Variants in FSIP2 observed in about 807,000 individuals in gnomAD.
FSIP2 encodes fibrous sheath-interacting protein 2.
Under a neutral mutation model 510.5 loss-of-function variants are expected in FSIP2, and 367 were observed. That is an observed-to-expected ratio of 0.72 (90% CI 0.66 to 0.78). The LOEUF is 0.78. Ranked by LOEUF, FSIP2 falls within the 30% of genes least tolerant of loss-of-function variation. The pLI, the probability that FSIP2 is intolerant of heterozygous loss-of-function variation, is 0.00. For synonymous variants in FSIP2, 2,601 were observed against 2,732.2 expected (o/e 0.95, Z 1.50); for missense variants, 7,594 against 7,901.7 (o/e 0.96, Z 1.48).
In FSIP2 at chr2:185,761,761, T is replaced by C. The variant is rs559839990; in HGVS notation, c.1195-211T>C. On this transcript the variant is annotated intron_variant, in intron 10 of 22. Coordinates refer to ENST00000424728, the MANE Select transcript of FSIP2 (RefSeq NM_173651.4). ...AAGTAAGTTTATACATTGCTACATATTGAACTCAGTTTTGGACTAGTTAAA... is the reference window on the plus strand; with the variant it reads ...AAGTAAGTTTATACATTGCTACATACTGAACTCAGTTTTGGACTAGTTAAA... Among the ~76,000 whole-genome samples the C allele has an allele frequency of 2.8e-4, 42 of 151,272 alleles. No homozygotes were observed. The South Asian group carries it at 7.9e-3, about 28-fold the overall frequency.
intron 19 of FSIP2, among the ~76,000 whole-genome samples, 161 bp from the exon 20 acceptor site, chr2:185,824,273 A>G (rs1014769387): frequency 6.6e-6 from 1 of 151,916 alleles, no homozygotes; most frequent in Non-Finnish European, 1.5e-5. Flanking sequence ...AGTAGGGGAA[A>G]AAGTCAATCA....
intron 9 of FSIP2, among the ~76,000 whole-genome samples, chr2:185,758,327 C>T (rs374524270): frequency 1.5e-4 from 22 of 151,050 alleles, no homozygotes; most frequent in South Asian, 1.0e-3. Flanking sequence ...AGTTGAAGTA[C>T]GGACCCCTTG....
chr2:185,793,818 A>T lies in FSIP2; in HGVS notation c.6682A>T (p.Asn2228Tyr), dbSNP rs773102856. 3.3e-6 allele frequency: 5 copies of T among 1,532,596 alleles called. No individual in the cohort carries two copies. Among genetic ancestry groups the T allele is most frequent in the Non-Finnish European group, 4.4e-6 (5 of 1,145,266 alleles). The allele number at this position is 1,532,596 out of a possible 1,614,324, so 94.9% of individuals were successfully genotyped here. A position where few individuals can be genotyped will look rare whatever the true frequency, so the allele number is the denominator to read the frequency against. ...TCAGAAATCAGCTTATGCTGATGAT[A>T]ATCAGATAACTGTAGTAGAGAAAGA... ...RNQKSAYADD[N>Y]QITVVEKEDT... Residue 2228 changes from asparagine (N) to tyrosine (Y), a missense_variant, in exon 16 of 23, where the codon AAT becomes TAT. Physicochemically the swap from Asn to Tyr is moderately radical, Grantham distance 143. Coordinates refer to ENST00000424728, the MANE Select transcript of FSIP2 (RefSeq NM_173651.4).
intron 13 of FSIP2, among the ~76,000 whole-genome samples, chr2:185,772,412 G>A (rs994681384): frequency 6.6e-6 from 1 of 152,118 alleles, no homozygotes. Flanking sequence ...TTTTTCTCAC[G>A]GTTCTGCATG....
intron 9 of FSIP2, among the ~76,000 whole-genome samples, chr2:185,759,553 G>A (rs1692308855): frequency 7.0e-6 from 1 of 143,040 alleles, no homozygotes; most frequent in Non-Finnish European, 1.5e-5. Context: ...TTATAAATAA[G>A]TATTAAAATT....
At chr2:185,777,579 TC>T (rs541557649) in intron 13 of FSIP2, among the ~76,000 whole-genome samples, 199 of 152,240 alleles carry the variant, frequency 1.3e-3, no homozygotes, top group African/African-American at 4.5e-3. Flanking sequence ...AAAGTATCTT[TC>T]TATTTCTAAT....
In FSIP2 at chr2:185,745,755, C is replaced by T. The variant is rs555937410; in HGVS notation, c.617+187C>T. ...TACCAGAGGGGTTAGGGTTGCTGGA[C>T]GCCCAAGGGATAAGCCAAACTGGTT... On this transcript the variant is annotated intron_variant, in intron 5 of 22. Coordinates refer to ENST00000424728, the MANE Select transcript of FSIP2 (RefSeq NM_173651.4). Among the ~76,000 whole-genome samples the T allele has an allele frequency of 1.1e-4, 17 of 152,102 alleles. No homozygotes were observed. The South Asian group carries it at 2.1e-3, about 19-fold the overall frequency.
At chr2:185,814,290 A>G (rs1478617627) in intron 18 of FSIP2, among the ~76,000 whole-genome samples, 1 of 152,078 alleles carries the variant, frequency 6.6e-6, no homozygotes, top group Non-Finnish European at 1.5e-5. Context: ...GAAACCAGTT[A>G]AGAAAAATGT....
intron 13 of FSIP2, among the ~76,000 whole-genome samples, chr2:185,770,469 G>A (rs1002805783): frequency 6.6e-6 from 1 of 152,090 alleles, no homozygotes; most frequent in Non-Finnish European, 1.5e-5. Flanking sequence ...CATATCACAT[G>A]GTGAGAAAGC....
At chr2:185,757,329 G>T (rs575556172) in intron 9 of FSIP2, among the ~76,000 whole-genome samples, 1 of 151,358 alleles carries the variant, frequency 6.6e-6, no homozygotes, top group Admixed American at 6.6e-5. Flanking sequence ...CCAGTTTATC[G>T]TGACAATTGT....
At chr2:185,813,145 C>T (rs1265234703) in intron 17 of FSIP2, among the ~76,000 whole-genome samples, 1 of 151,842 alleles carries the variant, frequency 6.6e-6, no homozygotes, top group Admixed American at 6.6e-5. Flanking sequence ...GAATATGTTG[C>T]CCTTTTTTCT....
At position 185,801,420 on chromosome 2, in the gene FSIP2, T is replaced by G; in HGVS notation, c.12114T>G (p.Val4038=). ...NAEERLCFPP[V]HTETVSKIVD... Reference sequence around the variant, plus strand: ...AAGAAAGGCTGTGTTTTCCACCAGTTCATACAGAAACTGTTAGCAAAATTG... The same window carrying G: ...AAGAAAGGCTGTGTTTTCCACCAGTGCATACAGAAACTGTTAGCAAAATTG... The change falls in exon 17 of 23, where the codon GTT becomes GTG. Residue 4038 remains valine (V), a synonymous_variant. Transcript: ENST00000424728. The G allele has an allele frequency of 6.5e-7, 1 of 1,534,114 alleles. No homozygotes were observed. Among genetic ancestry groups the G allele is most frequent in the Non-Finnish European group, 8.7e-7 (1 of 1,145,572 alleles).
At chr2:185,816,656 A>G (rs1459731295) in intron 19 of FSIP2, among the ~76,000 whole-genome samples, 1 of 151,814 alleles carries the variant, frequency 6.6e-6, no homozygotes, top group African/African-American at 2.4e-5. Context: ...TGGGCGACAT[A>G]GCAAGACCCT....
rs141475054 is a variant in FSIP2, at chr2:185,812,890, C to T, written c.19828-655C>T. Among the ~76,000 whole-genome samples the T allele has an allele frequency of 1.2e-4, 18 of 152,068 alleles. No homozygotes were observed. The East Asian group carries it at 1.8e-3, about 15-fold the overall frequency. ...TTAACTTAATTTTGAGATTCTGTGA[C>T]GTGGTCAAAAGCTAGAGAAATGGGG... On this transcript the variant is annotated intron_variant, in intron 17 of 22. Transcript: ENST00000424728.
Position 185,792,239 on chromosome 2 carries a change from AG to A in FSIP2, c.5108del (p.Gly1703GlufsTer25). On this transcript the variant is annotated frameshift_variant, in exon 16 of 23. Transcript: ENST00000424728. LOFTEE classifies it high-confidence loss of function. ...ATATGTTTAATGAAATGGAATCTGA[AG>A]GGGGAGGCATTGAAACTTATCGATA... is the stretch of plus-strand genomic sequence containing the variant. Reference protein sequence around the residue: ...SDMFNEMESEGGGIETYRYRP... With the variant: ...SDMFNEMESEXGGIETYRYRP... The A allele has an allele frequency of 6.5e-7, 1 of 1,533,194 alleles. No homozygotes were observed. The highest frequency in any genetic ancestry group is 1.2e-5 in the South Asian group (1 of 83,800). 95.0% of individuals were successfully genotyped at this position (1,533,194 alleles called of 1,614,324 possible). A position where few individuals can be genotyped will look rare whatever the true frequency, so the allele number is the denominator to read the frequency against.
At chr2:185,815,708 T>C (rs745921207) in intron 19 of FSIP2, among the ~76,000 whole-genome samples, 2 of 152,004 alleles carry the variant, frequency 1.3e-5, no homozygotes, top group Non-Finnish European at 2.9e-5. Context: ...TTCTAGTGTA[T>C]CAGTGTCTTA....
rs1315568426 is a variant in FSIP2, at chr2:185,791,372, T to C, written c.4236T>C (p.Pro1412=). 6.5e-7 allele frequency: 1 copy of C among 1,534,222 alleles called. No individual in the cohort carries two copies. Among genetic ancestry groups the C allele is most frequent in the East Asian group, 2.4e-5 (1 of 40,852 alleles). ...CTTTTCACAAATATTTGGCTACTCC[T>C]TGTACTCACCACAGTGTCAATGGTG... ...KKSFHKYLAT[P]CTHHSVNGGN... The change falls in exon 16 of 23, where the codon CCT becomes CCC. Residue 1412 remains proline, a synonymous_variant. Coordinates refer to ENST00000424728, the MANE Select transcript of FSIP2 (RefSeq NM_173651.4).
chr2:185,815,486 A>T lies in FSIP2; in HGVS notation c.20426+15A>T. 1 of 1,157,854 alleles carries T rather than the reference A, an allele frequency of 8.6e-7. No individual in the cohort carries two copies. Among genetic ancestry groups the T allele is most frequent in the Non-Finnish European group, 1.2e-6 (1 of 802,018 alleles). 71.7% of individuals were successfully genotyped at this position (1,157,854 alleles called of 1,614,324 possible). A position where few individuals can be genotyped will look rare whatever the true frequency, so the allele number is the denominator to read the frequency against. On this transcript the variant is annotated intron_variant, in intron 19 of 22. Coordinates refer to ENST00000424728, the MANE Select transcript of FSIP2 (RefSeq NM_173651.4). ...TCATCTACTGGGTATATGAAATTAA[A>T]GCAGTAGAAATATAGAAATCTGATA...
Position 185,800,615 on chromosome 2 carries a change from G to C in FSIP2, c.11309G>C (p.Ser3770Thr). The change falls in exon 17 of 23, where the codon AGC becomes ACC. Residue 3770 changes from serine to threonine, a missense_variant. Transcript: ENST00000424728. Reference sequence around the variant, plus strand: ...AGAATACTTTTGGAAGAATGCACAAGCACTGCTTTTCCTGATAAAGGGTCT... The same window carrying C: ...AGAATACTTTTGGAAGAATGCACAACCACTGCTTTTCCTGATAAAGGGTCT... ...LIRILLEECT[S>T]TAFPDKGSVS... 1 of 1,532,798 alleles carries C rather than the reference G, an allele frequency of 6.5e-7. No individual in the cohort carries two copies. Among genetic ancestry groups the C allele is most frequent in the South Asian group, 1.2e-5 (1 of 83,590 alleles). 94.9% of individuals were successfully genotyped at this position (1,532,798 alleles called of 1,614,324 possible).
Sources: gnomAD v4.1 joint callset for allele counts (sites outside exome capture counted in the v4.1 genomes callset) on GRCh38, gnomAD v4.1.1 for gene constraint, MANE v1.5 for transcripts, NCBI Gene and HGNC (gene_info 2026-07-23, HGNC 2026-07-21) for gene names.